DENND1B: variants seen among roughly 807,000 people sequenced by gnomAD.
The protein encoded by DENND1B is DENN domain containing 1B.
In DENND1B, 59 loss-of-function variants were observed where a neutral mutation model predicts 90.1. The ratio of observed to expected loss-of-function variants is 0.65; its 90% CI spans 0.53 to 0.81. The LOEUF (loss-of-function observed/expected upper bound fraction) is 0.81, where lower values mean the gene tolerates loss of function less well. Ranked by LOEUF, DENND1B falls within the 40% of genes least tolerant of loss-of-function variation. DENND1B has a pLI of 0.00. For synonymous variants in DENND1B, 337 were observed against 324.6 expected, an observed-to-expected ratio of 1.04 and a Z score of -0.41; for missense variants, 862 against 912.6, an observed-to-expected ratio of 0.94 and a Z score of 0.71.
chr1:197,580,094 T>TC (rs888726446), intron 15 of DENND1B, among the ~76,000 whole-genome samples: 2 of 131,456 alleles, frequency 1.5e-5, no homozygotes, highest in Non-Finnish European at 3.3e-5. Context: ...TTTCTTTTTT[T>TC]TTTTTTTTTT....
chr1:197,622,037 A>T (rs1370970898), intron 10 of DENND1B, among the ~76,000 whole-genome samples: 3 of 151,390 alleles, frequency 2.0e-5, no homozygotes, highest in Non-Finnish European at 4.4e-5. Flanking sequence ...GGGAATCATG[A>T]GAAGGGACAA....
At position 197,506,902 on chromosome 1, in the gene DENND1B, C is replaced by A. The variant is rs1017695539; in HGVS notation, c.*3558G>T. 6.6e-6 allele frequency: 1 copy of A among 151,370 alleles called. No individual in the cohort carries two copies. Among genetic ancestry groups the A allele is most frequent in the African/African-American group, 2.4e-5 (1 of 41,348 alleles). 9.4% of individuals were successfully genotyped at this position (151,370 alleles called of 1,614,324 possible). A position where few individuals can be genotyped will look rare whatever the true frequency, so the allele number is the denominator to read the frequency against. Reference sequence around the variant, plus strand: ...TCATTCCATTATAGAGAGCCCTGTGCAGCCTGGTTATCTGATAATAAGATA... The same window carrying A: ...TCATTCCATTATAGAGAGCCCTGTGAAGCCTGGTTATCTGATAATAAGATA... On this transcript the variant is annotated 3_prime_UTR_variant, in exon 23 of 23. Transcript: ENST00000620048.
At chr1:197,617,223 AG>A (rs1245617037) in intron 11 of DENND1B, among the ~76,000 whole-genome samples, 1 of 151,048 alleles carries the variant, frequency 6.6e-6, no homozygotes, top group Non-Finnish European at 1.5e-5. Flanking sequence ...TATTGAAAAA[AG>A]AGGGGTAAAG....
At chr1:197,540,815 G>T (rs1258605009) in intron 19 of DENND1B, 144 bp downstream of exon 19, 1 of 665,468 alleles carries the variant, frequency 1.5e-6, no homozygotes, top group Non-Finnish European at 2.5e-6. Flanking sequence ...GTTGCCAGAG[G>T]GCTTGTTATA....
chr1:197,687,319 C>A (rs1466467779), intron 3 of DENND1B, among the ~76,000 whole-genome samples: 1 of 152,152 alleles, frequency 6.6e-6, no homozygotes, highest in Non-Finnish European at 1.5e-5. Flanking sequence ...CTTGGGGCAG[C>A]ATTAGGTAAG....
intron 2 of DENND1B, among the ~76,000 whole-genome samples, chr1:197,721,330 A>G (rs750743375): frequency 2.6e-4 from 39 of 151,942 alleles, no homozygotes; most frequent in Non-Finnish European, 5.3e-4. Context: ...CGGCCTCCCA[A>G]AGTGCTGGGA....
chr1:197,558,239 C>T (rs1256007267), intron 15 of DENND1B, among the ~76,000 whole-genome samples: 1 of 151,504 alleles, frequency 6.6e-6, no homozygotes, highest in African/African-American at 2.4e-5. Flanking sequence ...ATGTTAATCA[C>T]ACCAAAACAT....
chr1:197,761,487 A>AT (rs1655050013), intron 2 of DENND1B, among the ~76,000 whole-genome samples: 1 of 152,180 alleles, frequency 6.6e-6, no homozygotes, highest in Non-Finnish European at 1.5e-5. Context: ...ATTTGAACTT[A>AT]TTTGGCTTTC....
chr1:197,528,276 CT>C (rs1228501155), intron 20 of DENND1B, among the ~76,000 whole-genome samples: 2 of 152,138 alleles, frequency 1.3e-5, no homozygotes, highest in Admixed American at 6.5e-5. Flanking sequence ...TGAGATTTCT[CT>C]TAAGTCCCTG....
At chr1:197,622,999 C>A (rs954673713) in intron 10 of DENND1B, among the ~76,000 whole-genome samples, 1 of 151,190 alleles carries the variant, frequency 6.6e-6, no homozygotes, top group Admixed American at 6.6e-5. Context: ...TTTTAACTAG[C>A]ATGCCTTACA....
intron 5 of DENND1B, among the ~76,000 whole-genome samples, chr1:197,664,006 C>CACAT: frequency 7.1e-6 from 1 of 140,556 alleles, no homozygotes; most frequent in East Asian, 2.0e-4. Context: ...TTGAAACACA[C>CACAT]ACATACACAC....
rs554019928 is a variant in DENND1B, at chr1:197,729,833, A to G, written c.83-14759T>C. ...TGACATTTATGTATTAAAAATCAAAACTTAAAAATTAGTAAAGCACAAAAA... is the reference window on the plus strand; with the variant it reads ...TGACATTTATGTATTAAAAATCAAAGCTTAAAAATTAGTAAAGCACAAAAA... On this transcript the variant is annotated intron_variant, in intron 2 of 22. Transcript: ENST00000620048. Among the ~76,000 whole-genome samples the G allele has an allele frequency of 1.6e-4, 25 of 152,238 alleles. No individual in the cohort carries two copies. In the East Asian group the frequency reaches 4.8e-3, roughly 29 times the overall value.
At chr1:197,705,822 C>G (rs780315986) in intron 3 of DENND1B, among the ~76,000 whole-genome samples, 21 of 151,808 alleles carry the variant, frequency 1.4e-4, no homozygotes, top group Non-Finnish European at 1.5e-5. Context: ...ACTTCTTATT[C>G]CCAAGTCATG....
chr1:197,607,125 G>GT lies in DENND1B; in HGVS notation c.868dup (p.Thr290AsnfsTer9). 1 of 1,604,746 alleles carries GT rather than the reference G, an allele frequency of 6.2e-7. No homozygotes were observed. Among genetic ancestry groups the GT allele is most frequent in the Non-Finnish European group, 8.5e-7 (1 of 1,174,754 alleles). The stretch of plus-strand genomic sequence containing the variant: ...ACTAAATGGTGATTCTAATGTGTTT[G>GT]TATCAACATTTAACATAACAACATC... On this transcript the variant is annotated frameshift_variant, in exon 13 of 23. Transcript: ENST00000620048. LOFTEE classifies it high-confidence loss of function.
At chr1:197,759,423 TG>T (rs1423259761) in intron 2 of DENND1B, among the ~76,000 whole-genome samples, 1 of 148,166 alleles carries the variant, frequency 6.7e-6, no homozygotes, top group Non-Finnish European at 1.5e-5. Context: ...ATATAATAAA[TG>T]AAAAAAAAAC....
intron 16 of DENND1B, among the ~76,000 whole-genome samples, chr1:197,548,295 A>T (rs1023466706): frequency 3.2e-4 from 48 of 152,176 alleles, no homozygotes; most frequent in African/African-American, 1.1e-3. Flanking sequence ...AGTCAGTTCA[A>T]TGAGAAGGAA....
chr1:197,687,844 G>A (rs1236495885), intron 3 of DENND1B, among the ~76,000 whole-genome samples: 1 of 151,988 alleles, frequency 6.6e-6, no homozygotes, highest in Non-Finnish European at 1.5e-5. Flanking sequence ...GAAATAAAGG[G>A]CATCCAAATT....
In DENND1B at chr1:197,661,697, T is replaced by C. The variant is rs1572232182; in HGVS notation, c.297-3328A>G. Among the ~76,000 whole-genome samples the C allele has an allele frequency of 3.9e-5, 6 of 152,166 alleles. 1 individual carries two copies. In the South Asian group the frequency reaches 1.2e-3, roughly 32 times the overall value. ...ACTATAAAAACTATATACATAACAA[T>C]AATTATGTTATTAGAAAGTGAGATA... On this transcript the variant is annotated intron_variant, in intron 5 of 22. Coordinates refer to ENST00000620048, the MANE Select transcript of DENND1B (RefSeq NM_001195215.2).
At chr1:197,557,687 ATCCAGG>A (rs1671827034) in intron 15 of DENND1B, among the ~76,000 whole-genome samples, 1 of 151,938 alleles carries the variant, frequency 6.6e-6, no homozygotes, top group Non-Finnish European at 1.5e-5. Context: ...ATAAATAGAC[ATCCAGG>A]AATAAACTGA....
Sources: gnomAD v4.1 joint callset for allele counts (sites outside exome capture counted in the v4.1 genomes callset) on GRCh38, gnomAD v4.1.1 for gene constraint, MANE v1.5 for transcripts, NCBI Gene and HGNC (gene_info 2026-07-23, HGNC 2026-07-21) for gene names.